TOX4: variants seen among roughly 807,000 people sequenced by gnomAD.
The protein encoded by TOX4 is TOX high mobility group box family member 4, also known as epidermal Langerhans cell protein LCP1.
TOX4 carries 12 observed loss-of-function variants against 61.0 expected under a neutral mutation model. That is an observed-to-expected ratio of 0.20 (90% confidence interval 0.13 to 0.32). TOX4 has a LOEUF of 0.32. Among genes scored for constraint, TOX4 ranks in the 10% least tolerant of loss-of-function variants. TOX4 has a pLI of 1.00. For synonymous variants in TOX4, 268 were observed against 274.8 expected (o/e 0.98, Z 0.24); for missense variants, 499 against 753.3 (o/e 0.66, Z 3.95).
At position 21,493,214 on chromosome 14, in the gene TOX4, C is replaced by G. The variant is rs1891332724; in HGVS notation, c.1598C>G (p.Ser533Cys). Residue 533 changes from serine (S) to cysteine (C), a missense_variant, in exon 7 of 9, where the codon TCT becomes TGT. Physicochemically the swap from Ser to Cys is moderately radical, Grantham distance 112 (BLOSUM62 -1). This residue lies in a region of TOX4 where 296 missense variants were observed against 404.7 expected (regional missense o/e 0.73). Coordinates refer to ENST00000448790, the MANE Select transcript of TOX4 (RefSeq NM_014828.4). Reference sequence around the variant, plus strand: ...GAGGCCCATACAGTGGAGGCACCTTCTCCTGAGACTATCTGTGAGATGATC... The same window carrying G: ...GAGGCCCATACAGTGGAGGCACCTTGTCCTGAGACTATCTGTGAGATGATC... ...SPEAHTVEAP[S>C]PETICEMITD... is the part of the protein sequence containing the mutation. 1.2e-5 allele frequency: 19 copies of G among 1,613,872 alleles called. No individual in the cohort carries two copies. The East Asian group carries it at 4.2e-4, about 36-fold the overall frequency.
intron 5 of TOX4, among the ~76,000 whole-genome samples, chr14:21,491,940 G>A (rs1029014746): frequency 6.6e-6 from 1 of 151,944 alleles, no homozygotes; most frequent in African/African-American, 2.4e-5. Context: ...GAACCTGGGA[G>A]GCAGAGCTTG....
intron 3 of TOX4, 186 bp from the exon 4 acceptor site, chr14:21,488,404 T>A: frequency 1.6e-6 from 1 of 641,614 alleles, no homozygotes; most frequent in Non-Finnish European, 2.6e-6. Context: ...AGAAGTAAAT[T>A]CATTAATTTC....
Position 21,488,806 on chromosome 14 carries a change from C to CCTA in TOX4, c.539_541dup (p.Thr180dup). 1 of 1,614,216 alleles carries CCTA rather than the reference C, an allele frequency of 6.2e-7. No individual in the cohort carries two copies. Among genetic ancestry groups the CCTA allele is most frequent in the Non-Finnish European group, 8.5e-7 (1 of 1,180,038 alleles). On this transcript the variant is annotated inframe_insertion, in exon 4 of 9. Coordinates refer to ENST00000448790, the MANE Select transcript of TOX4 (RefSeq NM_014828.4). ...AGATCGTCTTTCAACCACCCCTTCACCTACTAGTTCACTTCACGAGGATGG... is the reference window on the plus strand; with the variant it reads ...AGATCGTCTTTCAACCACCCCTTCACCTACTACTAGTTCACTTCACGAGGATGG...
intron 8 of TOX4, 21 bp downstream of exon 8, chr14:21,495,413 T>C: frequency 6.3e-7 from 1 of 1,598,538 alleles, no homozygotes; most frequent in Non-Finnish European, 8.5e-7. Flanking sequence ...AGTTCTCCCT[T>C]TTATAATTCA....
rs139300464 is a variant in TOX4, at chr14:21,495,655, G to A, written c.1805+263G>A. The A allele has an allele frequency of 3.2e-4, 74 of 232,692 alleles. No homozygotes were observed. In the Middle Eastern group the frequency reaches 4.1e-3, roughly 13 times the overall value. The allele number at this position is 232,692 out of a possible 1,614,324, so 14.4% of individuals were successfully genotyped here. The stretch of plus-strand genomic sequence containing the variant: ...GCTCTTTAAAAATATAATACATTAA[G>A]CTGTTAGTGTTTGCAAATATTAGCT... On this transcript the variant is annotated intron_variant, in intron 8 of 8. Transcript: ENST00000448790.
At chr14:21,488,537 A>G (rs200693916) in intron 3 of TOX4, 53 bp from the exon 4 acceptor site, 27 of 1,144,640 alleles carry the variant, frequency 2.4e-5, no homozygotes, top group Admixed American at 3.4e-5. Flanking sequence ...TTTAGGGGGG[A>G]AAAGTGGTTT....
At position 21,487,947 on chromosome 14, in the gene TOX4, T is replaced by C. The variant is rs191915192; in HGVS notation, c.318+254T>C. 54 of 353,884 alleles carry C rather than the reference T, an allele frequency of 1.5e-4. No individual in the cohort carries two copies. In the Admixed American group the frequency reaches 2.0e-3, roughly 13 times the overall value. The allele number at this position is 353,884 out of a possible 1,614,324, so 21.9% of individuals were successfully genotyped here. A position where few individuals can be genotyped will look rare whatever the true frequency, so the allele number is the denominator to read the frequency against. On this transcript the variant is annotated intron_variant, in intron 3 of 8. Transcript: ENST00000448790. ...TATTGTGGTTTTTGGGAAAAAGTGT[T>C]TTCTGCTTTTATTATGGCCTTCACA... is the stretch of plus-strand genomic sequence containing the variant.
intron 8 of TOX4, 76 bp from the exon 9 acceptor site, chr14:21,496,465 CAAAAA>C: frequency 1.1e-6 from 1 of 938,644 alleles, no homozygotes; most frequent in Non-Finnish European, 1.5e-6. Flanking sequence ...AGGTCCGTCT[CAAAAA>C]AAAAAATGTA....
intron 7 of TOX4, among the ~76,000 whole-genome samples, chr14:21,493,738 CTGTTTTGTTT>C (rs199525596): frequency 8.1e-4 from 122 of 150,494 alleles, no homozygotes; most frequent in African/African-American, 2.5e-3. Context: ...TGCACCCGCC[CTGTTTTGTTT>C]TGTTTTGTTT....
intron 8 of TOX4, 148 bp from the exon 9 acceptor site, chr14:21,496,398 G>A (rs1218040607): frequency 1.7e-6 from 1 of 588,500 alleles, no homozygotes; most frequent in African/African-American, 1.9e-5. Flanking sequence ...ATGGTGGTGG[G>A]CACCTGTAGT....
intron 5 of TOX4, among the ~76,000 whole-genome samples, chr14:21,491,292 G>T (rs1891284774): frequency 6.6e-6 from 1 of 152,116 alleles, no homozygotes; most frequent in Non-Finnish European, 1.5e-5. Context: ...ATTCCATAAG[G>T]GAAAATATAC....
chr14:21,491,955 G>A (rs990090369), intron 5 of TOX4: 2 of 165,358 alleles, frequency 1.2e-5, no homozygotes, highest in African/African-American at 4.8e-5. Context: ...AGCTTGCAAT[G>A]AGCCAAGATC....
At chr14:21,480,720 A>G (rs941526948) in intron 2 of TOX4, among the ~76,000 whole-genome samples, 4 of 152,220 alleles carry the variant, frequency 2.6e-5, no homozygotes, top group Admixed American at 1.3e-4. Context: ...GGGAGAAGAT[A>G]TTTACAATAC....
rs144941766 is a variant in TOX4 at position 21,477,903 on chromosome 14, A to G, written c.75+339A>G. On this transcript the variant is annotated intron_variant, in intron 2 of 8. Coordinates refer to ENST00000448790, the MANE Select transcript of TOX4 (RefSeq NM_014828.4). ...CGCAGTGGAAAGAAAATGTTTCAGC[A>G]GCTGAAGAAATTGGGGTTGAGGGGA... is the stretch of plus-strand genomic sequence containing the variant. Among the ~76,000 whole-genome samples the G allele has an allele frequency of 2.7e-3, 418 of 152,314 alleles. 2 individuals are homozygous for G. Among genetic ancestry groups the G allele is most frequent in the Non-Finnish European group, 4.8e-3 (325 of 68,020 alleles).
At chr14:21,483,511 C>T (rs1176070060) in intron 2 of TOX4, among the ~76,000 whole-genome samples, 2 of 151,172 alleles carry the variant, frequency 1.3e-5, no homozygotes, top group Non-Finnish European at 2.9e-5. Flanking sequence ...AGAACTTCCA[C>T]ACAATAACAA....
chr14:21,496,068 G>A (rs912019356), intron 8 of TOX4: 3 of 154,468 alleles, frequency 1.9e-5, no homozygotes, highest in Middle Eastern at 3.1e-3. Context: ...AAAATTAGCC[G>A]GGCATGGTGG....
At chr14:21,494,776 G>A (rs1891365580) in intron 7 of TOX4, among the ~76,000 whole-genome samples, 1 of 150,694 alleles carries the variant, frequency 6.6e-6, no homozygotes, top group Admixed American at 6.6e-5. Context: ...AAAATTAGCT[G>A]GGCACGGTGA....
intron 2 of TOX4, chr14:21,482,492 AT>A (rs1343183446): frequency 6.4e-5 from 28 of 440,462 alleles, no homozygotes; most frequent in South Asian, 3.4e-5. Flanking sequence ...GGTATTTTTG[AT>A]TTTTTGGTTC....
chr14:21,494,749 CA>C lies in TOX4; in HGVS notation c.1642-460del, dbSNP rs71419140. Among the ~76,000 whole-genome samples, 936 of 105,696 alleles carry C rather than the reference CA, an allele frequency of 8.9e-3. 8 individuals carry two copies. The highest frequency in any genetic ancestry group is 0.03 in the African/African-American group (832 of 27,856). The allele number at this position is 105,696 out of a possible 152,430, so 69.3% of individuals were successfully genotyped here. A position where few individuals can be genotyped will look rare whatever the true frequency, so the allele number is the denominator to read the frequency against. ...TGGGAGACAGAGAGAGACTCCGTCT[CA>C]AAAAAAAAAAAAAAAAAAATTAGCT... On this transcript the variant is annotated intron_variant, in intron 7 of 8. Coordinates refer to ENST00000448790, the MANE Select transcript of TOX4 (RefSeq NM_014828.4).
Sources: gnomAD v4.1 joint callset for allele counts (sites outside exome capture counted in the v4.1 genomes callset) on GRCh38, gnomAD v4.1.1 for gene constraint, gnomAD v4.1.1 regional missense constraint, MANE v1.5 for transcripts, NCBI Gene and HGNC (gene_info 2026-07-23, HGNC 2026-07-21) for gene names.